RASL12: variants seen among roughly 807,000 people sequenced by gnomAD.
The protein encoded by RASL12 is ras-like protein family member 12.
Under a neutral mutation model 22.9 loss-of-function variants are expected in RASL12, and 16 were observed. The observed-to-expected ratio is 0.70, with a 90% CI of 0.47 to 1.06. The LOEUF is 1.06. RASL12 is among the 50% of genes least tolerant of loss of function. The pLI is 0.00. For synonymous variants in RASL12, 159 were observed against 152.2 expected (o/e 1.04, Z -0.33); for missense variants, 306 against 353.1 (o/e 0.87, Z 1.07).
upstream of RASL12, chr15:65,068,189 C>A: frequency 1.0e-6 from 1 of 997,886 alleles, no homozygotes; most frequent in Non-Finnish European, 1.2e-6. The surrounding 1 kb of genome is among the most constrained non-coding windows in gnomAD (Gnocchi z 4.2). Flanking sequence ...CTCCCGAGCG[C>A]CCCCAAACCC....
At chr15:65,075,254 C>T (rs1172422243) in intron 1 of RASL12, among the ~76,000 whole-genome samples, 1 of 152,248 alleles carries the variant, frequency 6.6e-6, no homozygotes, top group Non-Finnish European at 1.5e-5. Context: ...CCTTAGCTGC[C>T]TTCCCGCAGG....
At chr15:65,072,308 CA>C (rs1470135028), upstream of RASL12, among the ~76,000 whole-genome samples, 1 of 152,256 alleles carries the variant, frequency 6.6e-6, no homozygotes, top group African/African-American at 2.4e-5. Context: ...CAGGCTCACA[CA>C]AGTGGTCCCC....
chr15:65,063,569 T>A (rs1382276840), intron 2 of RASL12, among the ~76,000 whole-genome samples: 2 of 152,226 alleles, frequency 1.3e-5, no homozygotes, highest in Non-Finnish European at 2.9e-5. Flanking sequence ...ACTGAAGGGC[T>A]GTGCCAAGGC....
At chr15:65,047,795 T>TGATAGATAGATAGATA in the RASL12 span, among the ~76,000 whole-genome samples, 27 of 149,832 alleles carry the variant, frequency 1.8e-4, no homozygotes, top group Admixed American at 6.7e-5. Context: ...GATCGATAGA[T>TGATAGATAGATAGATA]GATAGATAGA....
downstream of RASL12, among the ~76,000 whole-genome samples, chr15:65,048,518 A>G (rs2086605685): frequency 6.6e-6 from 1 of 152,226 alleles, no homozygotes; most frequent in Non-Finnish European, 1.5e-5. Context: ...AGGCAGTGAC[A>G]GAGTGTGAGG....
At chr15:65,067,656 C>T in intron 1 of RASL12, 77 bp downstream of exon 1, 1 of 1,462,736 alleles carries the variant, frequency 6.8e-7, no homozygotes, top group African/African-American at 1.5e-5. Context: ...GAACCTGCCC[C>T]CAAGAGCACA....
At chr15:65,068,469 T>A (rs541992702), upstream of RASL12, among the ~76,000 whole-genome samples, 2 of 152,260 alleles carry the variant, frequency 1.3e-5, no homozygotes, top group Admixed American at 1.3e-4. This position sits in a 1 kb window ranked among gnomAD's most constrained non-coding sequence, Gnocchi z 4.2. Context: ...GAGGCCTCAC[T>A]GCAGAACCCA....
chr15:65,055,028 G>A lies in RASL12; in HGVS notation c.672C>T (p.Leu224=), dbSNP rs761722673. Residue 224 remains leucine (L), a synonymous_variant, in exon 5 of 5, where the codon CTC becomes CTT. Coordinates refer to ENST00000220062, the MANE Select transcript of RASL12 (RefSeq NM_016563.4). ...HGLASCTFNT[L]STINLKEMPT... Reference sequence around the variant, plus strand: ...GCATCTCCTTCAGGTTGATGGTGGAGAGCGTGTTGAAGGTGCAGCTGGCCA... The same window carrying A: ...GCATCTCCTTCAGGTTGATGGTGGAAAGCGTGTTGAAGGTGCAGCTGGCCA... 1.2e-6 allele frequency: 2 copies of A among 1,613,880 alleles called. No homozygotes were observed. The highest frequency in any genetic ancestry group is 1.7e-6 in the Non-Finnish European group (2 of 1,179,906).
At position 65,058,469 on chromosome 15, in the gene RASL12, G is replaced by C. The variant is rs370432954; in HGVS notation, c.383C>G (p.Pro128Arg). ...CAGCTTGTTGCCCAGCAGCAGGGCAGGGATGCTGCGCTGTGTCTCCTTCGC... is the reference window on the plus strand; with the variant it reads ...CAGCTTGTTGCCCAGCAGCAGGGCACGGATGCTGCGCTGTGTCTCCTTCGC... ...LHAKETQRSI[P>R]ALLLGNKLDM... The change falls in exon 4 of 5, where the codon CCT (proline) becomes CGT (arginine). Residue 128 changes from proline to arginine, a missense_variant. Physicochemically the swap from Pro to Arg is moderately radical, Grantham distance 103. Transcript: ENST00000220062. 1.7e-5 allele frequency: 27 copies of C among 1,599,734 alleles called. No individual in the cohort carries two copies. The highest frequency in any genetic ancestry group is 2.3e-5 in the Non-Finnish European group (27 of 1,170,384).
intron 1 of RASL12, among the ~76,000 whole-genome samples, chr15:65,074,777 G>A (rs562565499): frequency 6.6e-6 from 1 of 152,376 alleles, no homozygotes; most frequent in South Asian, 2.1e-4. Flanking sequence ...GGTGAAATGG[G>A]TATCTCCCTA....
chr15:65,055,355 C>A, intron 4 of RASL12, 81 bp from the exon 5 acceptor site: 1 of 1,309,016 alleles, frequency 7.6e-7, no homozygotes, highest in Admixed American at 2.7e-5. Context: ...ACCCAGCGCC[C>A]CATGGACTAG....
the RASL12 span, among the ~76,000 whole-genome samples, chr15:65,046,924 A>C: frequency 1.2e-4 from 19 of 152,144 alleles, no homozygotes; most frequent in African/African-American, 4.6e-4. Flanking sequence ...AAAAACAAAA[A>C]ACAAAAAAAC....
At chr15:65,065,471 C>T (rs1389139401) in intron 1 of RASL12, among the ~76,000 whole-genome samples, 198 bp from the exon 2 acceptor site, 1 of 152,034 alleles carries the variant, frequency 6.6e-6, no homozygotes, top group African/African-American at 2.4e-5. Flanking sequence ...GAGCCAAGTG[C>T]CTCTAATTGC....
At position 65,067,786 on chromosome 15, in the gene RASL12, G is replaced by A. The variant is rs758445313; in HGVS notation, c.50C>T (p.Ala17Val). ...GATGGCCAGGTTGACCTCGAGGGGC[G>A]CGCTCTGAGGCCCGCTGCCCGCGCG... The part of the protein sequence containing the change: ...KPRAGSGPQS[A>V]PLEVNLAILG... The change falls in exon 1 of 5, where the codon GCG becomes GTG. Residue 17 changes from alanine to valine, a missense_variant. Physicochemically the swap from Ala to Val is moderately conservative, Grantham distance 64 (BLOSUM62 0). Transcript: ENST00000220062. 22 of 1,581,104 alleles carry A rather than the reference G, an allele frequency of 1.4e-5. 1 individual carries two copies. In the South Asian group the frequency reaches 1.7e-4, roughly 12 times the overall value.
At chr15:65,074,551 C>T (rs535788514) in intron 1 of RASL12, among the ~76,000 whole-genome samples, 8 of 152,218 alleles carry the variant, frequency 5.3e-5, no homozygotes, top group South Asian at 2.1e-4. Context: ...CGTGCCACCA[C>T]GCCCGGCTAA....
At chr15:65,059,705 C>T (rs529717248) in intron 2 of RASL12, among the ~76,000 whole-genome samples, 135 of 152,268 alleles carry the variant, frequency 8.9e-4, no homozygotes, top group African/African-American at 3.2e-3. Context: ...AGGATAGAGT[C>T]GAGTGTGTGG....
At chr15:65,065,527 G>A (rs1257201443) in intron 1 of RASL12, among the ~76,000 whole-genome samples, 2 of 152,132 alleles carry the variant, frequency 1.3e-5, no homozygotes, top group African/African-American at 2.4e-5. Context: ...TGAGTGGCAA[G>A]CCTAAGGGGT....
chr15:65,071,033 A>C (rs1214977218), upstream of RASL12, among the ~76,000 whole-genome samples: 2 of 152,162 alleles, frequency 1.3e-5, no homozygotes, highest in Non-Finnish European at 2.9e-5. Flanking sequence ...GTGCAGAAAC[A>C]TCTATGTGCA....
chr15:65,064,116 C>A (rs1275003246), intron 2 of RASL12, among the ~76,000 whole-genome samples: 1 of 152,174 alleles, frequency 6.6e-6, no homozygotes, highest in Non-Finnish European at 1.5e-5. Flanking sequence ...CTTTAAGCAA[C>A]ATTTATACTA....
Sources: gnomAD v4.1 joint callset for allele counts (sites outside exome capture counted in the v4.1 genomes callset) on GRCh38, gnomAD v4.1.1 for gene constraint, Gnocchi (gnomAD v3.1) non-coding constraint, MANE v1.5 for transcripts, NCBI Gene and HGNC (gene_info 2026-07-23, HGNC 2026-07-21) for gene names.